LMO7: variants seen among roughly 807,000 people sequenced by gnomAD.
LMO7 encodes the protein LIM domain only protein 7.
In LMO7, 120 loss-of-function variants were observed where a neutral mutation model predicts 206.5. That is an observed-to-expected ratio of 0.58 (90% CI 0.50 to 0.68). The LOEUF is 0.68. LMO7 is among the 30% of genes least tolerant of loss of function. The pLI is 0.00. For synonymous variants in LMO7, 706 were observed against 681.5 expected (o/e 1.04, Z -0.56); for missense variants, 1,959 against 1,957.9 (o/e 1.00, Z -0.01).
chr13:75,827,656 C>T (rs954805084), intron 15 of LMO7, among the ~76,000 whole-genome samples: 1 of 152,166 alleles, frequency 6.6e-6, no homozygotes, highest in Non-Finnish European at 1.5e-5. Flanking sequence ...CTTCATCCCC[C>T]CTCCGTCTGC....
chr13:75,710,771 C>G (rs1245693297), intron 1 of LMO7, among the ~76,000 whole-genome samples: 1 of 152,010 alleles, frequency 6.6e-6, no homozygotes, highest in Non-Finnish European at 1.5e-5. Flanking sequence ...TCCTCTTTTC[C>G]TAATTGAATG....
At chr13:75,789,685 T>C (rs886955611) in intron 4 of LMO7, among the ~76,000 whole-genome samples, 1 of 152,122 alleles carries the variant, frequency 6.6e-6, no homozygotes, top group Non-Finnish European at 1.5e-5. Flanking sequence ...CCTTAGAGCA[T>C]AGTATGCTCT....
At chr13:75,720,192 T>C (rs559266534) in intron 2 of LMO7, among the ~76,000 whole-genome samples, 1 of 152,338 alleles carries the variant, frequency 6.6e-6, no homozygotes, top group Admixed American at 6.5e-5. Context: ...ATTTTCTTTT[T>C]GTTGACTTTT....
At chr13:75,805,217 C>A in intron 8 of LMO7, 1 of 1,230,718 alleles carries the variant, frequency 8.1e-7, no homozygotes, top group Non-Finnish European at 1.0e-6. Flanking sequence ...AAAGTAACAC[C>A]CCAAATTGTT....
intron 1 of LMO7, among the ~76,000 whole-genome samples, chr13:75,704,678 A>T (rs2042525317): frequency 6.6e-6 from 1 of 152,204 alleles, no homozygotes; most frequent in Admixed American, 6.5e-5. Flanking sequence ...TTTTGCTGAT[A>T]ACCAGTCTGG....
chr13:75,820,457 A>G (rs1468214986), intron 13 of LMO7, among the ~76,000 whole-genome samples: 1 of 152,196 alleles, frequency 6.6e-6, no homozygotes, highest in Non-Finnish European at 1.5e-5. Flanking sequence ...AAATCCTCAC[A>G]AGACTGTCAA....
intron 2 of LMO7, among the ~76,000 whole-genome samples, chr13:75,626,166 T>G (rs1023281843): frequency 6.6e-6 from 1 of 152,156 alleles, no homozygotes; most frequent in East Asian, 1.9e-4. Flanking sequence ...TAAAAAATGT[T>G]TTTGAAAATT....
rs558377582 is a variant in LMO7, at chr13:75,791,416, T to C, written c.318-3985T>C. ...TTGTTCTCTGACATTGTATGAGTAT[T>C]GTCTCCTGAGCTTTTATCATTTCAG... is the stretch of plus-strand genomic sequence containing the variant. On this transcript the variant is annotated intron_variant, in intron 4 of 30. Coordinates refer to ENST00000377534, the MANE Select transcript of LMO7 (RefSeq NM_001306080.2). 8.5e-5 allele frequency among the ~76,000 whole-genome samples: 13 copies of C among 152,352 alleles called. No homozygotes were observed. The South Asian group carries it at 2.7e-3, about 32-fold the overall frequency.
At chr13:75,730,653 T>C (rs989780048) in intron 3 of LMO7, among the ~76,000 whole-genome samples, 4 of 142,288 alleles carry the variant, frequency 2.8e-5, no homozygotes, top group African/African-American at 1.1e-4. Context: ...ATTTTAGTTA[T>C]TTCTTGCCTT....
intron 1 of LMO7, among the ~76,000 whole-genome samples, chr13:75,711,331 A>ATG (rs2043101707): frequency 6.6e-6 from 1 of 151,568 alleles, no homozygotes; most frequent in Non-Finnish European, 1.5e-5. Flanking sequence ...GTTAGGGAGG[A>ATG]CTCCCTCTTT....
intron 3 of LMO7, among the ~76,000 whole-genome samples, chr13:75,737,912 T>C (rs1210906576): frequency 6.7e-6 from 1 of 148,586 alleles, no homozygotes; most frequent in Non-Finnish European, 1.5e-5. Context: ...TTTCCCCATT[T>C]CCAGCAGAAT....
At chr13:75,831,667 A>G (rs1426958467) in intron 15 of LMO7, among the ~76,000 whole-genome samples, 1 of 152,110 alleles carries the variant, frequency 6.6e-6, no homozygotes, top group African/African-American at 2.4e-5. Context: ...CAGAGACCCA[A>G]AACAAGGCAA....
intron 3 of LMO7, among the ~76,000 whole-genome samples, chr13:75,730,004 T>G (rs1244661674): frequency 2.0e-5 from 3 of 152,092 alleles, no homozygotes; most frequent in Non-Finnish European, 4.4e-5. Context: ...GATAAGCTTT[T>G]TGATGTGCTG....
chr13:75,789,519 C>T (rs7326714), intron 4 of LMO7, among the ~76,000 whole-genome samples: 59,892 of 152,018 alleles, frequency 0.39, 12,425 homozygotes, highest in East Asian at 0.6. Flanking sequence ...GTCTTGGCCC[C>T]GATCTGCGGA....
intron 1 of LMO7, among the ~76,000 whole-genome samples, chr13:75,684,085 A>G (rs1040337531): frequency 6.6e-6 from 1 of 152,138 alleles, no homozygotes; most frequent in Non-Finnish European, 1.5e-5. Context: ...TCCACTTCCC[A>G]TCTTATCCTG....
At chr13:75,784,954 G>A (rs2052167008) in intron 4 of LMO7, among the ~76,000 whole-genome samples, 1 of 151,974 alleles carries the variant, frequency 6.6e-6, no homozygotes, top group South Asian at 2.1e-4. Context: ...GAGAATTGAT[G>A]GTATTTCATT....
rs2040537255 is a variant in LMO7, at chr13:75,681,734, A to ATATATATG, written c.70-31441_70-31440insGTATATAT. On this transcript the variant is annotated intron_variant, in intron 1 of 30. Transcript: ENST00000377534. ...TATATATATGTATATATATATATAT[A>ATATATATG]TATATATATATATATGGAATCTTAT... Among the ~76,000 whole-genome samples the ATATATATG allele has an allele frequency of 2.2e-5, 3 of 134,674 alleles. 1 individual carries two copies. In the Admixed American group the frequency reaches 2.3e-4, roughly 10 times the overall value. The allele number at this position is 134,674 out of a possible 152,430, so 88.4% of individuals were successfully genotyped here.
intron 1 of LMO7, among the ~76,000 whole-genome samples, chr13:75,653,383 T>C (rs971275586): frequency 2.0e-5 from 3 of 152,212 alleles, no homozygotes; most frequent in Admixed American, 6.5e-5. Flanking sequence ...GTCCATTCTG[T>C]GAATGTTACT....
At chr13:75,741,269 ACAC>A (rs1405091130) in intron 3 of LMO7, among the ~76,000 whole-genome samples, 1 of 152,246 alleles carries the variant, frequency 6.6e-6, no homozygotes, top group Admixed American at 6.5e-5. Context: ...TAAAAACAAA[ACAC>A]CAATAACAAA....
Sources: gnomAD v4.1 joint callset for allele counts (sites outside exome capture counted in the v4.1 genomes callset) on GRCh38, gnomAD v4.1.1 for gene constraint, MANE v1.5 for transcripts, NCBI Gene and HGNC (gene_info 2026-07-23, HGNC 2026-07-21) for gene names.